Variants in NUP155 observed in about 807,000 individuals in gnomAD.
The protein encoded by NUP155 is nuclear pore complex protein Nup155.
In NUP155, 71 loss-of-function variants were observed where a neutral mutation model predicts 180.4. That is an observed-to-expected ratio of 0.39 (90% confidence interval 0.33 to 0.48). NUP155 has a LOEUF of 0.48. Ranked by LOEUF, NUP155 falls within the 20% of genes least tolerant of loss-of-function variation. The pLI is 0.91. For synonymous variants in NUP155, 582 were observed against 559.5 expected (o/e 1.04, Z -0.57); for missense variants, 1,553 against 1,648.9 (o/e 0.94, Z 1.01).
chr5:37,291,891 T>C lies in NUP155; in HGVS notation c.*9A>G, dbSNP rs771046854. 2 of 1,613,086 alleles carry C rather than the reference T, an allele frequency of 1.2e-6. No homozygotes were observed. Among genetic ancestry groups the C allele is most frequent in the African/African-American group, 2.7e-5 (2 of 74,894 alleles). ...AGATCATAAAACGGATGAAAGTATA[T>C]CACAGTAATTAATGAAGCCGTTCTA... On this transcript the variant is annotated 3_prime_UTR_variant, in exon 35 of 35. Coordinates refer to ENST00000231498, the MANE Select transcript of NUP155 (RefSeq NM_153485.3).
At position 37,314,194 on chromosome 5, in the gene NUP155, T is replaced by A. The variant is rs1443619290; in HGVS notation, c.2436+4A>T. 1 of 1,599,104 alleles carries A rather than the reference T, an allele frequency of 6.3e-7. No homozygotes were observed. The highest frequency in any genetic ancestry group is 8.6e-7 in the Non-Finnish European group (1 of 1,168,100). On this transcript the variant is annotated splice_donor_region_variant and intron_variant, in intron 22 of 34. Transcript: ENST00000231498. ...TATAATCATAAAAAAATAAAAAAAA[T>A]TACCTTCTGAAGTTCTGCCACAATG...
At chr5:37,306,093 TA>T (rs541096594) in intron 25 of NUP155, among the ~76,000 whole-genome samples, 64 of 152,132 alleles carry the variant, frequency 4.2e-4, no homozygotes, top group African/African-American at 1.4e-3. Flanking sequence ...AATATAGTAA[TA>T]AAAAAATATG....
At chr5:37,342,410 A>T in intron 10 of NUP155, 139 bp downstream of exon 10, 1 of 626,898 alleles carries the variant, frequency 1.6e-6, no homozygotes, top group East Asian at 2.9e-5. Context: ...AGTTTTCAAA[A>T]TCCTTTATTT....
At chr5:37,306,295 G>A (rs922333391) in intron 25 of NUP155, among the ~76,000 whole-genome samples, 2 of 152,046 alleles carry the variant, frequency 1.3e-5, no homozygotes, top group Non-Finnish European at 2.9e-5. Context: ...AGCTACTCAG[G>A]AGGCTGAGGT....
At position 37,330,040 on chromosome 5, in the gene NUP155, A is replaced by G. The variant is rs1460535477; in HGVS notation, c.1722T>C (p.Phe574=). Residue 574 remains phenylalanine (F), a splice_region_variant and synonymous_variant, in exon 15 of 35, where the codon TTT becomes TTC. Transcript: ENST00000231498. ...EVSAWATRAF[F]RYGGEAQMRF... ...AAACAAGAAAAACTTTCACATACCT[A>G]AAGAAAGCCCGAGTAGCCCAGGCAG... 2 of 1,610,326 alleles carry G rather than the reference A, an allele frequency of 1.2e-6. No homozygotes were observed. Among genetic ancestry groups the G allele is most frequent in the African/African-American group, 1.3e-5 (1 of 74,864 alleles).
intron 13 of NUP155, among the ~76,000 whole-genome samples, chr5:37,332,313 CTTTTTTTTTTTTTTTT>C (rs1021002313): frequency 1.1e-5 from 1 of 87,728 alleles, no homozygotes; most frequent in South Asian, 3.7e-4. Flanking sequence ...GCCATTACAG[CTTTTTTTTTTTTTTTT>C]TTTTTTTTTT....
At chr5:37,338,544 C>CTACGG (rs1745503328) in intron 11 of NUP155, among the ~76,000 whole-genome samples, 1 of 151,022 alleles carries the variant, frequency 6.6e-6, no homozygotes. Flanking sequence ...GTAGCTGGGA[C>CTACGG]TACGGCACCT....
intron 24 of NUP155, among the ~76,000 whole-genome samples, chr5:37,308,391 A>G (rs1338659329): frequency 6.6e-6 from 1 of 152,018 alleles, no homozygotes; most frequent in African/African-American, 2.4e-5. Flanking sequence ...CACCTCTACT[A>G]AAAATACAAA....
intron 22 of NUP155, among the ~76,000 whole-genome samples, chr5:37,311,136 G>T (rs2150949479): frequency 6.6e-6 from 1 of 152,184 alleles, no homozygotes; most frequent in East Asian, 1.9e-4. Context: ...TAATAATATT[G>T]GAGTTTAATC....
chr5:37,339,332 T>C (rs1389511624), intron 11 of NUP155, among the ~76,000 whole-genome samples: 1 of 147,798 alleles, frequency 6.8e-6, no homozygotes, highest in Non-Finnish European at 1.5e-5. Context: ...AAAAGGCAAT[T>C]ATCTCAACAA....
chr5:37,305,267 T>C, intron 25 of NUP155, 57 bp from the exon 26 acceptor site: 1 of 1,490,274 alleles, frequency 6.7e-7, no homozygotes, highest in Non-Finnish European at 9.3e-7. Context: ...CAAATGATGG[T>C]AAGTGTGGTG....
chr5:37,295,181 C>G (rs1237104956), intron 32 of NUP155, among the ~76,000 whole-genome samples: 3 of 152,024 alleles, frequency 2.0e-5, no homozygotes, highest in African/African-American at 4.8e-5. Flanking sequence ...CGAGTGCCTG[C>G]GATTGCAGGT....
rs190006064 is a variant in NUP155 at position 37,362,984 on chromosome 5, C to T, written c.392+904G>A. Among the ~76,000 whole-genome samples the T allele has an allele frequency of 4.3e-3, 655 of 152,310 alleles. 5 individuals are homozygous for T. Among genetic ancestry groups the T allele is most frequent in the Middle Eastern group, 0.014 (4 of 294 alleles). On this transcript the variant is annotated intron_variant, in intron 3 of 34. Coordinates refer to ENST00000231498, the MANE Select transcript of NUP155 (RefSeq NM_153485.3). Reference sequence around the variant, plus strand: ...CTGGAGTGCAGTGGCACTATCTCAGCTCACTGCAACCTCCATCTCCCAGGT... The same window carrying T: ...CTGGAGTGCAGTGGCACTATCTCAGTTCACTGCAACCTCCATCTCCCAGGT...
intron 21 of NUP155, among the ~76,000 whole-genome samples, chr5:37,317,152 G>C (rs1027189479): frequency 1.4e-5 from 2 of 145,522 alleles, no homozygotes; most frequent in African/African-American, 5.1e-5. Context: ...CTGGGCGACA[G>C]AGTGAGACTC....
At chr5:37,314,448 C>A (rs914285323) in intron 21 of NUP155, 120 bp from the exon 22 acceptor site, 108 of 714,356 alleles carry the variant, frequency 1.5e-4, no homozygotes, top group Middle Eastern at 1.2e-3. Flanking sequence ...CCATTACAGG[C>A]AACCATGATA....
intron 33 of NUP155, 167 bp from the exon 34 acceptor site, chr5:37,293,152 C>T (rs1742323950): frequency 6.8e-6 from 4 of 589,042 alleles, no homozygotes; most frequent in Non-Finnish European, 9.1e-6. Context: ...GTTAATATTT[C>T]AAACAACATT....
At chr5:37,322,599 C>G (rs1279128892) in intron 20 of NUP155, among the ~76,000 whole-genome samples, 4 of 151,160 alleles carry the variant, frequency 2.6e-5, no homozygotes, top group Admixed American at 1.3e-4. Flanking sequence ...CCCAGCTACT[C>G]GGGAGGCTGA....
chr5:37,333,508 C>T lies in NUP155; in HGVS notation c.1473G>A (p.Gln491=), dbSNP rs367662630. The T allele has an allele frequency of 1.9e-6, 3 of 1,613,934 alleles. No homozygotes were observed. The highest frequency in any genetic ancestry group is 2.5e-6 in the Non-Finnish European group (3 of 1,179,960). Residue 491 remains glutamine (Q), a synonymous_variant, in exon 13 of 35, where the codon CAG becomes CAA. Coordinates refer to ENST00000231498, the MANE Select transcript of NUP155 (RefSeq NM_153485.3). ...ATTTCTTCGGAGGTAACATGTGCTG[C>T]TGTACAACAACTGGTGAATCAGTTA... ...IPITDSPVVV[Q]QHMLPPKKFV... is the part of the protein sequence containing the mutation.
At chr5:37,314,356 T>G in intron 21 of NUP155, 28 bp from the exon 22 acceptor site, 1 of 1,499,324 alleles carries the variant, frequency 6.7e-7, no homozygotes, top group Non-Finnish European at 9.2e-7. Flanking sequence ...TAAATTATTA[T>G]AAAATAACAT....
Sources: gnomAD v4.1 joint callset for allele counts (sites outside exome capture counted in the v4.1 genomes callset) on GRCh38, gnomAD v4.1.1 for gene constraint, MANE v1.5 for transcripts, NCBI Gene and HGNC (gene_info 2026-07-23, HGNC 2026-07-21) for gene names.